Variants in CCDC181 observed in about 807,000 individuals in gnomAD.
CCDC181 encodes coiled-coil domain containing 181, also known as coiled-coil domain-containing protein 181.
A neutral mutation model predicts 58.7 loss-of-function variants in CCDC181; 35 were observed. The observed-to-expected ratio is 0.60, with a 90% CI of 0.46 to 0.79. The LOEUF is 0.79. Ranked by LOEUF, CCDC181 falls within the 30% of genes least tolerant of loss-of-function variation. The pLI is 0.00. For missense variants in CCDC181, 517 were observed against 583.9 expected, an observed-to-expected ratio of 0.89 and a Z score of 1.18; for synonymous variants, 183 against 197.5, an observed-to-expected ratio of 0.93 and a Z score of 0.62.
chr1:169,421,226 TAATC>T, intron 3 of CCDC181, 133 bp downstream of exon 3: 2 of 675,212 alleles, frequency 3.0e-6, no homozygotes, highest in East Asian at 2.7e-5. Flanking sequence ...TCTTAACACT[TAATC>T]AATCTAACAA....
chr1:169,439,893 A>G (rs1557878430), intron 2 of CCDC181, among the ~76,000 whole-genome samples: 1 of 150,600 alleles, frequency 6.6e-6, no homozygotes. Context: ...CCCCAGCCGA[A>G]CTCCTCTCAA....
At chr1:169,438,567 A>G (rs1162887184) in intron 2 of CCDC181, among the ~76,000 whole-genome samples, 1 of 152,224 alleles carries the variant, frequency 6.6e-6, no homozygotes, top group Non-Finnish European at 1.5e-5. Flanking sequence ...AGCAAAATAC[A>G]TACAACAAAA....
intron 4 of CCDC181, among the ~76,000 whole-genome samples, chr1:169,409,647 C>T (rs1357627266): frequency 9.9e-5 from 15 of 152,110 alleles, no homozygotes; most frequent in Non-Finnish European, 1.5e-4. Context: ...AGAGAAAGGT[C>T]GGGTTACTTA....
chr1:169,405,540 A>T (rs1655599294), intron 4 of CCDC181, among the ~76,000 whole-genome samples: 1 of 152,228 alleles, frequency 6.6e-6, no homozygotes, highest in Non-Finnish European at 1.5e-5. Flanking sequence ...AAACCTCACA[A>T]AAACAAGAAA....
At chr1:169,419,185 T>C in intron 3 of CCDC181, 26 bp from the exon 4 acceptor site, 1 of 1,524,260 alleles carries the variant, frequency 6.6e-7, no homozygotes. Context: ...GAAAAGACAT[T>C]AATGGAAGAT....
intron 3 of CCDC181, 115 bp from the exon 4 acceptor site, chr1:169,419,274 T>C: frequency 7.8e-7 from 1 of 1,283,490 alleles, no homozygotes. Context: ...CCTAAAACTT[T>C]CCATCAGAAA....
intron 2 of CCDC181, among the ~76,000 whole-genome samples, chr1:169,458,588 T>C (rs963334680): frequency 7.2e-5 from 11 of 152,358 alleles, no homozygotes; most frequent in Middle Eastern, 3.4e-3. Flanking sequence ...CCAACATTTC[T>C]ATTTTTAAAT....
chr1:169,448,435 T>G (rs1017056404), intron 2 of CCDC181, among the ~76,000 whole-genome samples: 6 of 152,282 alleles, frequency 3.9e-5, no homozygotes, highest in South Asian at 4.1e-4. Context: ...TTGTGAGAGA[T>G]AATTTCACTG....
chr1:169,402,607 G>A (rs952970231), intron 4 of CCDC181, among the ~76,000 whole-genome samples: 6 of 152,134 alleles, frequency 3.9e-5, no homozygotes, highest in Non-Finnish European at 1.5e-5. Context: ...AGCAAATGCT[G>A]AGAGATTTTG....
chr1:169,410,485 A>T (rs1008374145), intron 4 of CCDC181, among the ~76,000 whole-genome samples: 6 of 152,234 alleles, frequency 3.9e-5, no homozygotes, highest in African/African-American at 1.4e-4. Flanking sequence ...CAGATCGACA[A>T]GACAGAAAAT....
intron 4 of CCDC181, among the ~76,000 whole-genome samples, chr1:169,418,488 CTTTT>C (rs1330488727): frequency 4.0e-5 from 6 of 151,108 alleles, no homozygotes; most frequent in Non-Finnish European, 8.9e-5. Context: ...GTTAAATTTT[CTTTT>C]TTTCTTTTTT....
At chr1:169,440,791 A>C (rs1014387824) in intron 2 of CCDC181, among the ~76,000 whole-genome samples, 95 of 151,942 alleles carry the variant, frequency 6.3e-4, no homozygotes, top group African/African-American at 2.0e-3. Flanking sequence ...AAAAATAGCC[A>C]GGCATGGTGG....
At chr1:169,415,158 A>G (rs1656158085) in intron 4 of CCDC181, among the ~76,000 whole-genome samples, 1 of 152,246 alleles carries the variant, frequency 6.6e-6, no homozygotes, top group South Asian at 2.1e-4. Flanking sequence ...TATACTGTAC[A>G]TTTATTTTTG....
chr1:169,449,365 C>T (rs1432531045), intron 2 of CCDC181, among the ~76,000 whole-genome samples: 1 of 152,124 alleles, frequency 6.6e-6, no homozygotes, highest in Non-Finnish European at 1.5e-5. Context: ...CTCTAGTATC[C>T]GTTTTCCTTC....
chr1:169,402,988 A>C (rs1317615927), intron 4 of CCDC181, among the ~76,000 whole-genome samples: 2 of 148,428 alleles, frequency 1.3e-5, no homozygotes, highest in Non-Finnish European at 3.0e-5. Flanking sequence ...CAAACAAAAA[A>C]AAAAAAAAGC....
chr1:169,449,927 C>G (rs1433804409), intron 2 of CCDC181, among the ~76,000 whole-genome samples: 1 of 152,160 alleles, frequency 6.6e-6, no homozygotes, highest in Non-Finnish European at 1.5e-5. Context: ...AGTTGACACT[C>G]AATATTAACT....
At chr1:169,409,985 C>G (rs1655874550) in intron 4 of CCDC181, among the ~76,000 whole-genome samples, 1 of 152,070 alleles carries the variant, frequency 6.6e-6, no homozygotes, top group Admixed American at 6.5e-5. Context: ...AACTAACAGG[C>G]AAAATAACCA....
intron 5 of CCDC181, 69 bp from the exon 6 acceptor site, chr1:169,395,275 C>A: frequency 1.5e-6 from 2 of 1,292,462 alleles, no homozygotes; most frequent in Non-Finnish European, 2.1e-6. Flanking sequence ...TATAAAGTTA[C>A]TATTATAGAC....
At chr1:169,459,880 G>T (rs1385696608) in intron 1 of CCDC181, 1 of 116,764 alleles carries the variant, frequency 8.6e-6, no homozygotes, top group Non-Finnish European at 1.7e-5. Context: ...GGGAATAATG[G>T]TCAAGTTACG....
Sources: allele counts gnomAD v4.1 joint callset (sites outside exome capture counted in the v4.1 genomes callset), GRCh38; gene constraint gnomAD v4.1.1; transcripts MANE v1.5; gene names NCBI Gene and HGNC (gene_info 2026-07-23, HGNC 2026-07-21).